Variants in DNAH17 observed in about 807,000 individuals in gnomAD.
DNAH17 encodes dynein axonemal heavy chain 17.
In DNAH17, 376 loss-of-function variants were observed where a neutral mutation model predicts 485.6. That is an observed-to-expected ratio of 0.77 (90% CI 0.71 to 0.84). The LOEUF (loss-of-function observed/expected upper bound fraction) is 0.84, where lower values mean the gene tolerates loss of function less well. Ranked by LOEUF, DNAH17 falls within the 40% of genes least tolerant of loss-of-function variation. The pLI is 0.00. For synonymous variants in DNAH17, 3,031 were observed against 2,405.9 expected (o/e 1.26, Z -7.60); for missense variants, 6,370 against 5,839.3 (o/e 1.09, Z -2.96).
intron 62 of DNAH17, among the ~76,000 whole-genome samples, chr17:78,457,354 G>A (rs2087853350): frequency 6.6e-6 from 1 of 151,656 alleles, no homozygotes; most frequent in African/African-American, 2.4e-5. Flanking sequence ...CTGGGTGACG[G>A]AGTGAGACTC....
At chr17:78,488,593 T>C (rs1425809998) in intron 44 of DNAH17, among the ~76,000 whole-genome samples, 1 of 152,110 alleles carries the variant, frequency 6.6e-6, no homozygotes, top group African/African-American at 2.4e-5. Flanking sequence ...GGACATTGTC[T>C]TTGCCTACCC....
intron 16 of DNAH17, among the ~76,000 whole-genome samples, chr17:78,547,238 T>C (rs898833455): frequency 4.6e-5 from 7 of 152,192 alleles, no homozygotes; most frequent in African/African-American, 1.7e-4. Context: ...GAATACATCC[T>C]GGAATAGGTT....
At chr17:78,552,464 T>C (rs937327148) in intron 15 of DNAH17, among the ~76,000 whole-genome samples, 1 of 151,592 alleles carries the variant, frequency 6.6e-6, no homozygotes. Flanking sequence ...CTCTTGGCAG[T>C]TCCCAGGGAG....
At chr17:78,572,148 C>T (rs1395221854) in intron 3 of DNAH17, among the ~76,000 whole-genome samples, 1 of 152,126 alleles carries the variant, frequency 6.6e-6, no homozygotes, top group East Asian at 1.9e-4. Flanking sequence ...AGGACTTGCC[C>T]ACGTGAGGCA....
In DNAH17 at chr17:78,460,268, G is replaced by A. The variant is rs1274799803; in HGVS notation, c.9340-11C>T. On this transcript the variant is annotated splice_polypyrimidine_tract_variant and intron_variant, in intron 58 of 80. Coordinates refer to ENST00000389840, the MANE Select transcript of DNAH17 (RefSeq NM_173628.4). The stretch of plus-strand genomic sequence containing the variant: ...CTTCTCAGTGACGTTCTGGAAGGAA[G>A]ATGGACAGGAGAGGTTACTGCAGGC... 1 of 1,587,454 alleles carries A rather than the reference G, an allele frequency of 6.3e-7. No individual in the cohort carries two copies. The highest frequency in any genetic ancestry group is 1.8e-5 in the Admixed American group (1 of 56,138).
At chr17:78,533,516 C>G (rs536944178) in intron 19 of DNAH17, among the ~76,000 whole-genome samples, 1 of 152,078 alleles carries the variant, frequency 6.6e-6, no homozygotes, top group South Asian at 2.1e-4. Context: ...GCAGAGAGCA[C>G]GAGAGGCCAG....
At position 78,510,812 on chromosome 17, in the gene DNAH17, G is replaced by A. The variant is rs919796641; in HGVS notation, c.4114-306C>T. The A allele has an allele frequency of 2.1e-4, 68 of 318,244 alleles. No homozygotes were observed. The Admixed American group carries it at 2.3e-3, about 11-fold the overall frequency. The allele number at this position is 318,244 out of a possible 1,614,324, so 19.7% of individuals were successfully genotyped here. Reference sequence around the variant, plus strand: ...ACGTGTCACCTTATTTGGAAATAGGGTCTTTGCAGATACTAAGGATCTTGA... The same window carrying A: ...ACGTGTCACCTTATTTGGAAATAGGATCTTTGCAGATACTAAGGATCTTGA... On this transcript the variant is annotated intron_variant, in intron 26 of 80. Coordinates refer to ENST00000389840, the MANE Select transcript of DNAH17 (RefSeq NM_173628.4).
chr17:78,505,129 C>T (rs575631485), intron 31 of DNAH17, among the ~76,000 whole-genome samples, 164 bp downstream of exon 31: 10 of 151,918 alleles, frequency 6.6e-5, no homozygotes, highest in African/African-American at 1.5e-4. Context: ...ATAAAGAGGC[C>T]CATCCCTTAA....
chr17:78,471,584 G>C (rs1457669529), intron 54 of DNAH17, among the ~76,000 whole-genome samples: 1 of 152,192 alleles, frequency 6.6e-6, no homozygotes, highest in African/African-American at 2.4e-5. Flanking sequence ...CTGGAGAGCA[G>C]TGGCATGATC....
intron 30 of DNAH17, among the ~76,000 whole-genome samples, chr17:78,506,018 A>C (rs1435440238): frequency 6.6e-6 from 1 of 152,144 alleles, no homozygotes; most frequent in Non-Finnish European, 1.5e-5. Flanking sequence ...CTTCTTTTTG[A>C]GAAGGTTCTG....
intron 66 of DNAH17, 122 bp downstream of exon 66, chr17:78,451,347 C>G (rs2087542424): frequency 1.1e-5 from 10 of 894,870 alleles, no homozygotes; most frequent in Non-Finnish European, 1.7e-5. Flanking sequence ...ACTGAGGCAC[C>G]TTCAGAGAGA....
chr17:78,541,492 AGGTC>A (rs1329453494), intron 17 of DNAH17, among the ~76,000 whole-genome samples: 12 of 151,848 alleles, frequency 7.9e-5, no homozygotes. Flanking sequence ...ACCCTCAGGC[AGGTC>A]TATTCTAATA....
intron 56 of DNAH17, among the ~76,000 whole-genome samples, chr17:78,465,040 G>A (rs1479467370): frequency 6.6e-6 from 1 of 152,008 alleles, no homozygotes; most frequent in African/African-American, 2.4e-5. Flanking sequence ...CAGCCTCCCT[G>A]CCTGATTCTC....
intron 6 of DNAH17, 57 bp from the exon 7 acceptor site, chr17:78,570,429 G>A (rs551823954): frequency 6.1e-5 from 95 of 1,563,154 alleles, no homozygotes; most frequent in South Asian, 9.6e-5. Flanking sequence ...ACCTTATCCC[G>A]GTGTCCCAGC....
intron 56 of DNAH17, among the ~76,000 whole-genome samples, chr17:78,466,193 G>A (rs928845365): frequency 2.0e-5 from 3 of 152,156 alleles, no homozygotes; most frequent in Admixed American, 6.5e-5. Flanking sequence ...GATTAAGGGC[G>A]GTGCAAGATG....
rs1315748924 is a variant in DNAH17, at chr17:78,455,720, T to C, written c.10094A>G (p.Tyr3365Cys). ...DVLLISAFVS[Y>C]VGYFTKKYRN... ...GTATTTCTTGGTGAAGTAGCCCACG[T>C]AGGACACGAAGGCAGAGATGAGCAG... is the stretch of plus-strand genomic sequence containing the variant. The change falls in exon 63 of 81, where the codon TAC becomes TGC. Residue 3365 changes from tyrosine to cysteine, a missense_variant. Transcript: ENST00000389840. 1.9e-6 allele frequency: 3 copies of C among 1,608,712 alleles called. No homozygotes were observed. In the African/African-American group the frequency reaches 4.0e-5, roughly 22 times the overall value.
intron 47 of DNAH17, 186 bp from the exon 48 acceptor site, chr17:78,485,219 C>CA: frequency 2.7e-6 from 2 of 730,920 alleles, no homozygotes; most frequent in Non-Finnish European, 4.3e-6. Context: ...CAGGAATAAA[C>CA]AGAGCGATCA....
At chr17:78,452,221 T>G (rs1275846503) in intron 65 of DNAH17, among the ~76,000 whole-genome samples, 1 of 152,086 alleles carries the variant, frequency 6.6e-6, no homozygotes, top group Non-Finnish European at 1.5e-5. Flanking sequence ...GTTCTGGGTT[T>G]CTGCATGCAT....
At chr17:78,500,260 A>G in intron 36 of DNAH17, 45 bp downstream of exon 36, 1 of 1,563,676 alleles carries the variant, frequency 6.4e-7, no homozygotes, top group Non-Finnish European at 8.6e-7. Flanking sequence ...ATCTGCTTCT[A>G]TAAAAGAAGA....
Sources: allele counts gnomAD v4.1 joint callset (sites outside exome capture counted in the v4.1 genomes callset), GRCh38; gene constraint gnomAD v4.1.1; transcripts MANE v1.5; gene names NCBI Gene and HGNC (gene_info 2026-07-23, HGNC 2026-07-21).